The following OS9 variants were observed in gnomAD, a reference collection of about 807,000 sequenced individuals.
OS9 encodes protein OS-9.
In OS9, 58 loss-of-function variants were observed where a neutral mutation model predicts 84.7. That is an observed-to-expected ratio of 0.68 (90% CI 0.55 to 0.85). The LOEUF is 0.85. OS9 is among the 40% of genes least tolerant of loss of function. The probability of loss-of-function intolerance (pLI) is 0.00; values close to 1 mark genes in which losing one functional copy is unlikely to be tolerated. For missense variants in OS9, 760 were observed against 850.9 expected (o/e 0.89, Z 1.33); for synonymous variants, 278 against 320.8 (o/e 0.87, Z 1.43).
intron 5 of OS9, among the ~76,000 whole-genome samples, chr12:57,707,654 T>A (rs1247149205): frequency 6.6e-6 from 1 of 152,140 alleles, no homozygotes; most frequent in Non-Finnish European, 1.5e-5. Context: ...CTGCCTTGGC[T>A]TCCTAAAGTG....
intron 5 of OS9, among the ~76,000 whole-genome samples, chr12:57,705,725 C>CA (rs1954147223): frequency 6.6e-6 from 1 of 152,028 alleles, no homozygotes; most frequent in Non-Finnish European, 1.5e-5. Context: ...GGGGTTTTGT[C>CA]ATATTGGCCA....
intron 5 of OS9, among the ~76,000 whole-genome samples, chr12:57,711,838 C>T (rs1007790868): frequency 6.6e-6 from 1 of 152,042 alleles, no homozygotes; most frequent in African/African-American, 2.4e-5. Flanking sequence ...CCAATATTCC[C>T]AACACTTTGG....
In OS9 at chr12:57,720,323, AG is replaced by A. The variant is rs906790817; in HGVS notation, c.1765+64del. Reference sequence around the variant, plus strand: ...CGGAAGGGCAAGCTGCCGGAAGTGGAGGGGCTGGGACCAGTGGGGCAGGGGG... The same window carrying A: ...CGGAAGGGCAAGCTGCCGGAAGTGGAGGGCTGGGACCAGTGGGGCAGGGGG... On this transcript the variant is annotated intron_variant, in intron 13 of 14. Coordinates refer to ENST00000315970, the MANE Select transcript of OS9 (RefSeq NM_006812.4). 2.1e-5 allele frequency: 34 copies of A among 1,609,142 alleles called. No homozygotes were observed. In the African/African-American group the frequency reaches 3.2e-4, roughly 15 times the overall value.
At chr12:57,696,164 C>T (rs1953825906) in intron 4 of OS9, 111 bp from the exon 5 acceptor site, 2 of 1,198,032 alleles carry the variant, frequency 1.7e-6, no homozygotes, top group African/African-American at 3.0e-5. Context: ...GACAAAGTTT[C>T]CTGGGGCCTG....
intron 5 of OS9, 189 bp from the exon 6 acceptor site, chr12:57,715,571 G>C (rs1595060632): frequency 2.0e-6 from 1 of 497,702 alleles, no homozygotes; most frequent in Non-Finnish European, 3.5e-6. Flanking sequence ...CTTGAGGCAC[G>C]AAGTTGAGAA....
chr12:57,719,797 A>G, intron 12 of OS9: 2 of 297,102 alleles, frequency 6.7e-6, no homozygotes, highest in Non-Finnish European at 1.3e-5. Flanking sequence ...TGCTTCTTCA[A>G]ACAGAACTTT....
At chr12:57,714,885 C>T (rs1595059597) in intron 5 of OS9, among the ~76,000 whole-genome samples, 1 of 152,218 alleles carries the variant, frequency 6.6e-6, no homozygotes, top group South Asian at 2.1e-4. Flanking sequence ...GTGTGAACCA[C>T]CAGCCTCTCT....
At chr12:57,704,537 C>CAA (rs35697476) in intron 5 of OS9, among the ~76,000 whole-genome samples, 52 of 146,210 alleles carry the variant, frequency 3.6e-4, no homozygotes, top group African/African-American at 7.3e-4. Context: ...ACTCCATCTC[C>CAA]AAAAAAAAAA....
At chr12:57,720,076 C>T (rs367796072) in intron 12 of OS9, 23 bp from the exon 13 acceptor site, 8 of 1,610,330 alleles carry the variant, frequency 5.0e-6, no homozygotes, top group Non-Finnish European at 6.8e-6. Context: ...CTTTGTGTTT[C>T]CCTGTGTGTC....
At chr12:57,701,200 G>GT (rs1464952240) in intron 5 of OS9, among the ~76,000 whole-genome samples, 2 of 138,420 alleles carry the variant, frequency 1.4e-5, no homozygotes, top group Non-Finnish European at 3.1e-5. Flanking sequence ...GTATCAACTT[G>GT]TTTTTTTCAC....
intron 7 of OS9, 105 bp downstream of exon 7, chr12:57,716,298 AC>A: frequency 9.7e-7 from 1 of 1,028,800 alleles, no homozygotes. Flanking sequence ...GTGGAAAAGT[AC>A]CATGGGCCCT....
At chr12:57,702,970 A>C (rs1407310955) in intron 5 of OS9, among the ~76,000 whole-genome samples, 2 of 152,086 alleles carry the variant, frequency 1.3e-5, no homozygotes, top group Non-Finnish European at 2.9e-5. Flanking sequence ...TCTTTATGTA[A>C]TAAATTCTGA....
At chr12:57,695,477 T>C (rs1953798196) in intron 2 of OS9, 2 of 586,664 alleles carry the variant, frequency 3.4e-6, no homozygotes, top group Non-Finnish European at 6.3e-6. Flanking sequence ...ATATAATTGC[T>C]TCAGGGATAC....
At chr12:57,705,993 T>C (rs1954155369) in intron 5 of OS9, among the ~76,000 whole-genome samples, 1 of 152,240 alleles carries the variant, frequency 6.6e-6, no homozygotes, top group African/African-American at 2.4e-5. Context: ...ACAGTTTTGG[T>C]TTCTTCCTTT....
Position 57,696,284 on chromosome 12 carries a change from C to G in OS9, c.490C>G (p.Gln164Glu), listed in dbSNP as rs769079356. 6.2e-7 allele frequency: 1 copy of G among 1,610,764 alleles called. No homozygotes were observed. The highest frequency in any genetic ancestry group is 8.5e-7 in the Non-Finnish European group (1 of 1,178,196). Residue 164 changes from glutamine to glutamate, a missense_variant, in exon 5 of 15, where the codon CAG (glutamine) becomes GAG (glutamate). By Grantham distance (29) the Gln-to-Glu change is conservative. Transcript: ENST00000315970. ...WDDETAKASK[Q>E]HRLKRYHSQT... Reference sequence around the variant, plus strand: ...CTCATGTCTTCTCCAGGCCTCCAAGCAGCATCGTCTTAAACGCTACCACAG... The same window carrying G: ...CTCATGTCTTCTCCAGGCCTCCAAGGAGCATCGTCTTAAACGCTACCACAG...
In OS9 at chr12:57,720,815, G is replaced by A. The variant is rs373204693; in HGVS notation, c.1910G>A (p.Arg637His). The A allele has an allele frequency of 1.4e-5, 22 of 1,613,200 alleles. No individual in the cohort carries two copies. Among genetic ancestry groups the A allele is most frequent in the Middle Eastern group, 3.3e-4 (2 of 6,080 alleles). ...VPGAEEAQKE[R>H]QRQKELESNY... ...GGAGCTGAAGAGGCCCAGAAGGAAC[G>A]CCAGCGGCAGAAAGAGCTGGAGAGC... Residue 637 changes from arginine (R) to histidine (H), a missense_variant, in exon 15 of 15, where the codon CGC (arginine) becomes CAC (histidine). Coordinates refer to ENST00000315970, the MANE Select transcript of OS9 (RefSeq NM_006812.4).
chr12:57,706,625 G>C (rs1198008813), intron 5 of OS9, among the ~76,000 whole-genome samples: 1 of 152,014 alleles, frequency 6.6e-6, no homozygotes, highest in Non-Finnish European at 1.5e-5. Flanking sequence ...GCCAAGGCAG[G>C]AAGATTTCTT....
chr12:57,700,839 T>C (rs1954000637), intron 5 of OS9, among the ~76,000 whole-genome samples: 1 of 151,990 alleles, frequency 6.6e-6, no homozygotes, highest in South Asian at 2.1e-4. Context: ...TAAAGGAAGG[T>C]CTAGGGTAGT....
rs1953899438 is a variant in OS9 at position 57,697,901 on chromosome 12, AT to A, written c.579+1529del. On this transcript the variant is annotated intron_variant, in intron 5 of 14. Transcript: ENST00000315970. ...CACACACACACACACGGAACCTAAC[AT>A]AAGCAAACACACACACACACATACA... 1.1e-4 allele frequency among the ~76,000 whole-genome samples: 13 copies of A among 122,656 alleles called. No individual in the cohort carries two copies. The South Asian group carries it at 3.4e-3, about 32-fold the overall frequency. 80.5% of individuals were successfully genotyped at this position (122,656 alleles called of 152,430 possible).
Sources: allele counts gnomAD v4.1 joint callset (sites outside exome capture counted in the v4.1 genomes callset), GRCh38; gene constraint gnomAD v4.1.1; transcripts MANE v1.5; gene names NCBI Gene and HGNC (gene_info 2026-07-23, HGNC 2026-07-21).